Variants in RIMS2 observed in about 807,000 individuals in gnomAD.
RIMS2 encodes regulating synaptic membrane exocytosis protein 2.
Under a neutral mutation model 174.4 loss-of-function variants are expected in RIMS2, and 59 were observed. The ratio of observed to expected loss-of-function variants is 0.34; its 90% confidence interval spans 0.27 to 0.42. RIMS2 has a LOEUF of 0.42. Ranked by LOEUF, RIMS2 falls within the 10% of genes least tolerant of loss-of-function variation. RIMS2 has a pLI of 1.00. For synonymous variants in RIMS2, 606 were observed against 572.5 expected, an observed-to-expected ratio of 1.06 and a Z score of -0.84; for missense variants, 1,620 against 1,666.3, an observed-to-expected ratio of 0.97 and a Z score of 0.48.
At position 103,731,964 on chromosome 8, in the gene RIMS2, T is replaced by C. The variant is rs116233645; in HGVS notation, c.388-34263T>C. Among the ~76,000 whole-genome samples, 571 of 152,336 alleles carry C rather than the reference T, an allele frequency of 3.7e-3. 8 individuals are homozygous for C. Among genetic ancestry groups the C allele is most frequent in the African/African-American group, 0.013 (542 of 41,592 alleles). On this transcript the variant is annotated intron_variant, in intron 2 of 23. Transcript: ENST00000504942. ...CATTAGTTTGTTTGGTGAAGTCATA[T>C]TTTCCTGGATAGTCTTGGTGCTTGT... is the stretch of plus-strand genomic sequence containing the variant.
intron 2 of RIMS2, among the ~76,000 whole-genome samples, chr8:103,702,219 ATTTG>A (rs1399040042): frequency 6.6e-6 from 1 of 151,970 alleles, no homozygotes; most frequent in Non-Finnish European, 1.5e-5. Context: ...CCTGTTGGAT[ATTTG>A]TTTGTATTCT....
chr8:103,639,328 AC>A (rs912910896), intron 1 of RIMS2, among the ~76,000 whole-genome samples: 4 of 151,922 alleles, frequency 2.6e-5, no homozygotes, highest in African/African-American at 7.2e-5. Flanking sequence ...AAGTTTGCAA[AC>A]ATTAACATTT....
chr8:103,522,408 A>G (rs1315161141), intron 1 of RIMS2, among the ~76,000 whole-genome samples: 3 of 152,100 alleles, frequency 2.0e-5, no homozygotes, highest in African/African-American at 7.2e-5. Flanking sequence ...AAAATAGAAG[A>G]AAAAATTATT....
chr8:103,800,974 T>TTTTA (rs2098603516), intron 3 of RIMS2, among the ~76,000 whole-genome samples: 1 of 151,982 alleles, frequency 6.6e-6, no homozygotes, highest in South Asian at 2.1e-4. Context: ...CTGTCTTTAT[T>TTTTA]TTTATTTATT....
chr8:103,715,105 G>A (rs916354205), intron 2 of RIMS2, among the ~76,000 whole-genome samples: 1 of 152,114 alleles, frequency 6.6e-6, no homozygotes, highest in Non-Finnish European at 1.5e-5. Context: ...TATAGAGGCA[G>A]CACTATTGAG....
chr8:103,966,186 A>G (rs370579074), intron 15 of RIMS2, among the ~76,000 whole-genome samples: 54 of 152,280 alleles, frequency 3.5e-4, no homozygotes, highest in African/African-American at 1.3e-3. Flanking sequence ...GTTCTCTGAA[A>G]GAGATTGTAG....
chr8:104,127,334 C>A (rs533129747), intron 19 of RIMS2, among the ~76,000 whole-genome samples: 7 of 152,270 alleles, frequency 4.6e-5, no homozygotes, highest in African/African-American at 1.7e-4. Flanking sequence ...AAACTTGAAG[C>A]AAAACCATTG....
At chr8:104,087,484 G>A (rs531253007) in intron 19 of RIMS2, among the ~76,000 whole-genome samples, 1 of 152,162 alleles carries the variant, frequency 6.6e-6, no homozygotes, top group Admixed American at 6.6e-5. Flanking sequence ...ATTCGAAGCA[G>A]TGCTTCTCTT....
intron 3 of RIMS2, among the ~76,000 whole-genome samples, chr8:103,821,945 C>G (rs2098754801): frequency 6.6e-6 from 1 of 151,384 alleles, no homozygotes; most frequent in Non-Finnish European, 1.5e-5. Context: ...TCTTAAGCAT[C>G]AATTATATAA....
chr8:104,194,979 G>A (rs986029167), intron 19 of RIMS2, among the ~76,000 whole-genome samples: 2 of 152,116 alleles, frequency 1.3e-5, no homozygotes, highest in African/African-American at 2.4e-5. Flanking sequence ...AGATAAACAC[G>A]GATAACAGGT....
chr8:104,086,266 GTTTT>G (rs377670155), intron 19 of RIMS2, among the ~76,000 whole-genome samples: 3 of 112,950 alleles, frequency 2.7e-5, no homozygotes, highest in Admixed American at 9.1e-5. Context: ...GTTCTGGTGG[GTTTT>G]TTTTTTTTTT....
chr8:103,736,382 T>A (rs548175011), intron 2 of RIMS2, among the ~76,000 whole-genome samples: 2 of 152,344 alleles, frequency 1.3e-5, no homozygotes, highest in South Asian at 4.1e-4. Context: ...AATAGCTGGT[T>A]CCATTTTGCC....
Position 104,138,266 on chromosome 8 carries a change from T to C in RIMS2, c.3335-106650T>C, listed in dbSNP as rs73299446. ...GCTGCAATAACCATGAGAATGCAGA[T>C]ATCTCTTCAATTTGGGTGTATATCT... is the stretch of plus-strand genomic sequence containing the variant. On this transcript the variant is annotated intron_variant, in intron 19 of 23. Coordinates refer to ENST00000504942, the Ensembl canonical transcript of RIMS2. Among the ~76,000 whole-genome samples the C allele has an allele frequency of 4.0e-3, 611 of 152,276 alleles. 7 individuals carry two copies. Among genetic ancestry groups the C allele is most frequent in the African/African-American group, 0.014 (564 of 41,562 alleles).
chr8:103,851,205 A>G (rs1484833915), intron 3 of RIMS2, among the ~76,000 whole-genome samples: 1 of 151,962 alleles, frequency 6.6e-6, no homozygotes, highest in Non-Finnish European at 1.5e-5. Flanking sequence ...AAACAGTTAT[A>G]TATCTAGTTT....
chr8:103,715,197 G>A (rs1252561528), intron 2 of RIMS2, among the ~76,000 whole-genome samples: 1 of 152,162 alleles, frequency 6.6e-6, no homozygotes, highest in Non-Finnish European at 1.5e-5. Context: ...TACATGTGTA[G>A]GATGTGCAGG....
chr8:103,695,132 G>A (rs893480336), intron 1 of RIMS2, among the ~76,000 whole-genome samples: 5 of 152,192 alleles, frequency 3.3e-5, no homozygotes, highest in African/African-American at 9.7e-5. Flanking sequence ...TGTGGTTGGG[G>A]AGGGATGAAC....
chr8:103,772,707 T>C (rs1411987534), intron 3 of RIMS2, among the ~76,000 whole-genome samples: 1 of 152,122 alleles, frequency 6.6e-6, no homozygotes, highest in African/African-American at 2.4e-5. Flanking sequence ...TTTCAACACA[T>C]TATAAGTCTA....
chr8:104,030,798 T>A (rs185245531), intron 19 of RIMS2, among the ~76,000 whole-genome samples: 7 of 152,330 alleles, frequency 4.6e-5, no homozygotes, highest in Admixed American at 3.9e-4. Flanking sequence ...TACCTCTGGA[T>A]ATTTTATTTC....
chr8:104,202,794 G>T (rs1443505563), intron 19 of RIMS2, among the ~76,000 whole-genome samples: 1 of 152,190 alleles, frequency 6.6e-6, no homozygotes, highest in African/African-American at 2.4e-5. Context: ...AGTACTAGGG[G>T]TTAGGACTTC....
Sources: allele counts gnomAD v4.1 joint callset (sites outside exome capture counted in the v4.1 genomes callset), GRCh38; gene constraint gnomAD v4.1.1; transcripts MANE v1.5; gene names NCBI Gene and HGNC (gene_info 2026-07-23, HGNC 2026-07-21).